PPARGC1A: variants seen among roughly 807,000 people sequenced by gnomAD.
PPARGC1A encodes peroxisome proliferator-activated receptor gamma coactivator 1-alpha.
Under a neutral mutation model 88.7 loss-of-function variants are expected in PPARGC1A, and 25 were observed. The observed-to-expected ratio is 0.28, with a 90% CI of 0.21 to 0.39. The LOEUF is 0.39. PPARGC1A is among the 10% of genes least tolerant of loss of function. The pLI, the probability that PPARGC1A is intolerant of heterozygous loss-of-function variation, is 1.00. For missense variants in PPARGC1A, 880 were observed against 968.7 expected, an observed-to-expected ratio of 0.91 and a Z score of 1.22; for synonymous variants, 363 against 355.6, an observed-to-expected ratio of 1.02 and a Z score of -0.24.
intron 2 of PPARGC1A, among the ~76,000 whole-genome samples, chr4:23,872,645 T>C (rs1227484823): frequency 6.6e-6 from 1 of 152,180 alleles, no homozygotes; most frequent in Non-Finnish European, 1.5e-5. Flanking sequence ...AGACAGCTTA[T>C]CTTATTTGTA....
the PPARGC1A span, among the ~76,000 whole-genome samples, chr4:24,256,996 T>A: frequency 6.6e-6 from 1 of 152,182 alleles, no homozygotes; most frequent in Non-Finnish European, 1.5e-5. Flanking sequence ...AAAAGACCAC[T>A]GTAGGGAGAT....
At chr4:24,410,425 TA>T in the PPARGC1A span, among the ~76,000 whole-genome samples, 1 of 152,182 alleles carries the variant, frequency 6.6e-6, no homozygotes, top group Non-Finnish European at 1.5e-5. Context: ...TGAAATGCCT[TA>T]GGCTAGCATT....
chr4:24,466,809 G>A, the PPARGC1A span, among the ~76,000 whole-genome samples: 1 of 143,364 alleles, frequency 7.0e-6, no homozygotes, highest in East Asian at 2.0e-4. Context: ...AGCTACTCAG[G>A]AGGCTGAGAC....
chr4:24,144,628 C>A, the PPARGC1A span, among the ~76,000 whole-genome samples: 12 of 150,440 alleles, frequency 8.0e-5, no homozygotes, highest in East Asian at 2.4e-3. Context: ...TTGAGACCAG[C>A]GCAGAGAGGG....
chr4:23,844,316 T>TTATAA (rs59288315), intron 2 of PPARGC1A, among the ~76,000 whole-genome samples: 27,604 of 140,032 alleles, frequency 0.2, 3,378 homozygotes, highest in African/African-American at 0.33. Context: ...ACATATTATA[T>TTATAA]TAGAATAATC....
chr4:23,870,533 C>G (rs1713081294), intron 2 of PPARGC1A, among the ~76,000 whole-genome samples: 1 of 152,180 alleles, frequency 6.6e-6, no homozygotes, highest in Non-Finnish European at 1.5e-5. Context: ...TTTTCTAAAC[C>G]ATTTCTTCAA....
At chr4:23,946,453 T>C in the PPARGC1A span, among the ~76,000 whole-genome samples, 1 of 151,906 alleles carries the variant, frequency 6.6e-6, no homozygotes, top group Non-Finnish European at 1.5e-5. Flanking sequence ...AGATTCAGAG[T>C]GGCTTCCGCT....
At chr4:23,990,605 A>T in the PPARGC1A span, among the ~76,000 whole-genome samples, 2 of 152,098 alleles carry the variant, frequency 1.3e-5, no homozygotes, top group African/African-American at 4.8e-5. Context: ...GCTGAGAAGC[A>T]TTCAACATTT....
chr4:23,990,174 T>A, the PPARGC1A span, among the ~76,000 whole-genome samples: 1 of 147,700 alleles, frequency 6.8e-6, no homozygotes, highest in Non-Finnish European at 1.5e-5. Context: ...ATAACGCATA[T>A]TCCAATCCTT....
At chr4:24,456,036 A>G in the PPARGC1A span, among the ~76,000 whole-genome samples, 1 of 152,202 alleles carries the variant, frequency 6.6e-6, no homozygotes, top group African/African-American at 2.4e-5. Context: ...TGTCACACTC[A>G]TGCTGATTAA....
chr4:23,851,252 A>G (rs1277060185), intron 2 of PPARGC1A, among the ~76,000 whole-genome samples: 2 of 152,090 alleles, frequency 1.3e-5, no homozygotes, highest in Non-Finnish European at 2.9e-5. Flanking sequence ...ACTTGACATG[A>G]TGTTCTGACT....
intron 2 of PPARGC1A, among the ~76,000 whole-genome samples, chr4:23,873,822 GA>G (rs899611678): frequency 5.3e-5 from 8 of 151,950 alleles, no homozygotes; most frequent in Admixed American, 2.6e-4. Flanking sequence ...TTTTAAAGGG[GA>G]AAAAAAGCTA....
chr4:24,209,999 G>A, the PPARGC1A span, among the ~76,000 whole-genome samples: 3 of 152,146 alleles, frequency 2.0e-5, no homozygotes, highest in Non-Finnish European at 4.4e-5. Flanking sequence ...AAAACGGGAA[G>A]AAGAACAGTC....
chr4:24,326,203 C>T, the PPARGC1A span, among the ~76,000 whole-genome samples: 3 of 152,076 alleles, frequency 2.0e-5, no homozygotes, highest in Non-Finnish European at 4.4e-5. Flanking sequence ...GCCAATATCC[C>T]ATCCCACAGC....
At chr4:23,943,558 T>C in the PPARGC1A span, among the ~76,000 whole-genome samples, 1 of 152,084 alleles carries the variant, frequency 6.6e-6, no homozygotes, top group Non-Finnish European at 1.5e-5. Flanking sequence ...GGTAATTGGG[T>C]GAATCGGTTG....
At chr4:23,823,122 T>TTA (rs1723302166) in intron 7 of PPARGC1A, among the ~76,000 whole-genome samples, 1 of 150,388 alleles carries the variant, frequency 6.6e-6, no homozygotes, top group Admixed American at 6.6e-5. Context: ...AATATTCCTG[T>TTA]AAAAAAAAAC....
the PPARGC1A span, among the ~76,000 whole-genome samples, chr4:24,065,681 G>A: frequency 6.6e-6 from 1 of 152,130 alleles, no homozygotes; most frequent in African/African-American, 2.4e-5. Context: ...TTGAGCTAGA[G>A]CCTCTGTATG....
chr4:24,256,537 T>G, the PPARGC1A span, among the ~76,000 whole-genome samples: 1 of 152,126 alleles, frequency 6.6e-6, no homozygotes, highest in Non-Finnish European at 1.5e-5. Context: ...AAACAGCAAC[T>G]CCGAAGTAGG....
the PPARGC1A span, among the ~76,000 whole-genome samples, chr4:23,975,799 GCCAGTTA>G: frequency 6.6e-6 from 1 of 152,220 alleles, no homozygotes; most frequent in South Asian, 2.1e-4. Flanking sequence ...AAATTCTTCA[GCCAGTTA>G]CCAGTGGTGC....
Sources: allele counts gnomAD v4.1 joint callset (sites outside exome capture counted in the v4.1 genomes callset), GRCh38; gene constraint gnomAD v4.1.1; transcripts MANE v1.5; gene names NCBI Gene and HGNC (gene_info 2026-07-23, HGNC 2026-07-21).